The following METTL9 variants were observed in gnomAD, a reference collection of about 807,000 sequenced individuals.
METTL9 encodes the protein methyltransferase 9, His-X-His N1(pi)-histidine, also known as protein-L-histidine N-pros-methyltransferase.
METTL9 carries 10 observed loss-of-function variants against 36.0 expected under a neutral mutation model. That is an observed-to-expected ratio of 0.28 (90% CI 0.17 to 0.47). The LOEUF is 0.47. Among genes scored for constraint, METTL9 ranks in the 20% least tolerant of loss-of-function variants. METTL9 has a pLI of 0.99. For missense variants in METTL9, 246 were observed against 383.5 expected, an observed-to-expected ratio of 0.64 and a Z score of 3.00; for synonymous variants, 175 against 149.7, an observed-to-expected ratio of 1.17 and a Z score of -1.23.
chr16:21,654,429 C>T (rs975335116), intron 4 of METTL9: 2 of 152,150 alleles, frequency 1.3e-5, no homozygotes, highest in Non-Finnish European at 2.9e-5. Flanking sequence ...GTTAAATATA[C>T]TGTCATCTCT....
At chr16:21,613,833 G>GT (rs11326723) in intron 2 of METTL9, among the ~76,000 whole-genome samples, 63 of 134,020 alleles carry the variant, frequency 4.7e-4, no homozygotes, top group Middle Eastern at 3.8e-3. Flanking sequence ...AGTTTTTTTT[G>GT]TTTTTTTTTT....
chr16:21,644,543 G>C lies in METTL9; in HGVS notation c.752-10684G>C. The C allele has an allele frequency of 5.1e-6, 3 of 588,414 alleles. 1 individual carries two copies. The highest frequency in any genetic ancestry group is 9.0e-6 in the Non-Finnish European group (3 of 332,870). 36.4% of individuals were successfully genotyped at this position (588,414 alleles called of 1,614,324 possible). A position where few individuals can be genotyped will look rare whatever the true frequency, so the allele number is the denominator to read the frequency against. Reference sequence around the variant, plus strand: ...TTCGTATAAAAACTAGACCTCAAAAGGTACTCAAGTATGTAATAGTTAAAG... The same window carrying C: ...TTCGTATAAAAACTAGACCTCAAAACGTACTCAAGTATGTAATAGTTAAAG... On this transcript the variant is annotated intron_variant, in intron 4 of 4. Transcript: ENST00000358154.
At chr16:21,647,023 G>T (rs765686663) in intron 4 of METTL9, 5 of 1,392,856 alleles carry the variant, frequency 3.6e-6, no homozygotes, top group Non-Finnish European at 5.1e-6. Context: ...ACTGGCTAGG[G>T]TATTAACTTA....
upstream of METTL9, among the ~76,000 whole-genome samples, chr16:21,599,217 C>T (rs376343399): frequency 1.3e-5 from 2 of 152,172 alleles, no homozygotes; most frequent in African/African-American, 4.8e-5. The surrounding 1 kb of genome is among the most constrained non-coding windows in gnomAD (Gnocchi z 4.4). Flanking sequence ...CAAAGTCCCG[C>T]CGTGGAGTGG....
chr16:21,655,173 C>T (rs1454227984), intron 4 of METTL9, 54 bp from the exon 5 acceptor site: 8 of 1,538,594 alleles, frequency 5.2e-6, no homozygotes, highest in East Asian at 2.3e-5. Flanking sequence ...CTGCTTCCCT[C>T]TTTAAATCAC....
intron 3 of METTL9, among the ~76,000 whole-genome samples, chr16:21,621,336 T>C (rs1368897793): frequency 1.3e-5 from 2 of 152,068 alleles, no homozygotes; most frequent in Non-Finnish European, 2.9e-5. Context: ...TGTAATTTTT[T>C]TTTTTTTTGA....
chr16:21,630,264 C>T (rs982849339), intron 4 of METTL9, among the ~76,000 whole-genome samples: 6 of 152,252 alleles, frequency 3.9e-5, no homozygotes, highest in South Asian at 2.1e-4. Context: ...TGGCTGGTGG[C>T]GCCAAGTGCG....
chr16:21,650,998 C>T (rs986014947), intron 4 of METTL9, among the ~76,000 whole-genome samples: 6 of 152,216 alleles, frequency 3.9e-5, no homozygotes, highest in African/African-American at 4.8e-5. Flanking sequence ...CCGAGGCGGG[C>T]GGATCACGAG....
chr16:21,635,814 C>T (rs1475336132), intron 4 of METTL9, among the ~76,000 whole-genome samples: 1 of 152,150 alleles, frequency 6.6e-6, no homozygotes, highest in Non-Finnish European at 1.5e-5. Flanking sequence ...GCCCAAGAAC[C>T]TGCAGCAGTC....
intron 1 of METTL9, among the ~76,000 whole-genome samples, chr16:21,601,826 G>C (rs1453855183): frequency 6.6e-6 from 1 of 151,598 alleles, no homozygotes. Context: ...GGTGTTTTCT[G>C]AATATTTGGG....
rs779329438 is a variant in METTL9, at chr16:21,656,012, A to G, written c.*580A>G. On this transcript the variant is annotated 3_prime_UTR_variant, in exon 5 of 5. Coordinates refer to ENST00000358154, the MANE Select transcript of METTL9 (RefSeq NM_016025.5). ...GGTTTGGCTTCAGGAGTACCCAAATAGTAGCATTATGAGAATGACGCAGAC... is the reference window on the plus strand; with the variant it reads ...GGTTTGGCTTCAGGAGTACCCAAATGGTAGCATTATGAGAATGACGCAGAC... 6.6e-6 allele frequency: 1 copy of G among 152,188 alleles called. No homozygotes were observed. The highest frequency in any genetic ancestry group is 1.5e-5 in the Non-Finnish European group (1 of 68,178). 9.4% of individuals were successfully genotyped at this position (152,188 alleles called of 1,614,324 possible). A position where few individuals can be genotyped will look rare whatever the true frequency, so the allele number is the denominator to read the frequency against.
At chr16:21,599,515 G>C, upstream of METTL9, 2 of 1,259,460 alleles carry the variant, frequency 1.6e-6, no homozygotes, top group Non-Finnish European at 2.0e-6. The surrounding 1 kb of genome is among the most constrained non-coding windows in gnomAD (Gnocchi z 4.4). Flanking sequence ...TGGTGCAGGG[G>C]GCAGCGGCGT....
chr16:21,652,914 C>CT (rs1239047132), intron 4 of METTL9: 1 of 285,130 alleles, frequency 3.5e-6, no homozygotes, highest in African/African-American at 2.2e-5. Flanking sequence ...ATAATTCGTA[C>CT]TTGGATTTTT....
intron 4 of METTL9, chr16:21,653,963 A>ATGAT (rs1966642521): frequency 6.7e-6 from 1 of 150,224 alleles, no homozygotes; most frequent in African/African-American, 2.5e-5. Flanking sequence ...CCACCATGAT[A>ATGAT]TGATGTCTGT....
Position 21,614,548 on chromosome 16 carries a change from C to T in METTL9, c.356+1713C>T, listed in dbSNP as rs186889350. 9.8e-5 allele frequency among the ~76,000 whole-genome samples: 15 copies of T among 152,312 alleles called. No homozygotes were observed. The East Asian group carries it at 2.5e-3, about 25-fold the overall frequency. The stretch of plus-strand genomic sequence containing the variant: ...TTCTGATACCCACCCTGCTTTCAGT[C>T]CTTCTTGCCTTGTGTCCCATTCTCA... On this transcript the variant is annotated intron_variant, in intron 2 of 4. Coordinates refer to ENST00000358154, the MANE Select transcript of METTL9 (RefSeq NM_016025.5).
Position 21,599,605 on chromosome 16 carries a change from G to C in METTL9, c.-129G>C, listed in dbSNP as rs984188796. The C allele has an allele frequency of 1.9e-5, 25 of 1,318,534 alleles. No individual in the cohort carries two copies. The highest frequency in any genetic ancestry group is 3.3e-5 in the East Asian group (1 of 30,700). 81.7% of individuals were successfully genotyped at this position (1,318,534 alleles called of 1,614,324 possible). A position where few individuals can be genotyped will look rare whatever the true frequency, so the allele number is the denominator to read the frequency against. ...CCCACCCCCAGCCTTTGCCCTGAAG[G>C]GGGCTGGATGGGCAAGGCGGCCGCG... On this transcript the variant is annotated 5_prime_UTR_variant, in exon 1 of 5. Coordinates refer to ENST00000358154, the MANE Select transcript of METTL9 (RefSeq NM_016025.5). The surrounding 1 kb of genome is among the most constrained non-coding windows in gnomAD (Gnocchi z 4.4).
chr16:21,612,531 A>G, intron 1 of METTL9, 114 bp from the exon 2 acceptor site: 1 of 943,376 alleles, frequency 1.1e-6, no homozygotes, highest in South Asian at 2.2e-5. Flanking sequence ...TGAGATGGTA[A>G]TATTTGGAAA....
At chr16:21,605,063 C>CA (rs532052241) in intron 1 of METTL9, among the ~76,000 whole-genome samples, 206 of 152,058 alleles carry the variant, frequency 1.4e-3, no homozygotes, top group African/African-American at 4.6e-3. Context: ...TTGGTGGTAT[C>CA]ATCCGCACTT....
intron 4 of METTL9, 116 bp downstream of exon 4, chr16:21,625,231 T>A: frequency 8.7e-7 from 1 of 1,144,642 alleles, no homozygotes; most frequent in Non-Finnish European, 1.3e-6. Context: ...GCCTGCAGTT[T>A]AAAGTAATCC....
Sources: gnomAD v4.1 joint callset for allele counts (sites outside exome capture counted in the v4.1 genomes callset) on GRCh38, gnomAD v4.1.1 for gene constraint, Gnocchi (gnomAD v3.1) non-coding constraint, MANE v1.5 for transcripts, NCBI Gene and HGNC (gene_info 2026-07-23, HGNC 2026-07-21) for gene names.